TRIM44: variants seen among roughly 807,000 people sequenced by gnomAD.
TRIM44 encodes tripartite motif containing 44.
In TRIM44, 13 loss-of-function variants were observed where a neutral mutation model predicts 37.4. That is an observed-to-expected ratio of 0.35 (90% CI 0.23 to 0.55). The LOEUF (loss-of-function observed/expected upper bound fraction) is 0.55, where lower values mean the gene tolerates loss of function less well. TRIM44 is among the 20% of genes least tolerant of loss of function. The pLI is 0.89. For missense variants in TRIM44, 426 were observed against 437.2 expected (o/e 0.97, Z 0.23); for synonymous variants, 175 against 157.2 (o/e 1.11, Z -0.85).
chr11:35,667,589 T>C lies in TRIM44; in HGVS notation c.669+3809T>C, dbSNP rs187608592. 2.9e-3 allele frequency among the ~76,000 whole-genome samples: 438 copies of C among 152,280 alleles called. 6 individuals are homozygous for C. The highest frequency in any genetic ancestry group is 0.01 in the East Asian group (54 of 5,184). On this transcript the variant is annotated intron_variant, in intron 1 of 4. Coordinates refer to ENST00000299413, the MANE Select transcript of TRIM44 (RefSeq NM_017583.6). ...TGTCTTGCTATGTTGCCCAAGTTGG[T>C]CTTGAACTCCTAGCCTCAAGCAGTC...
intron 4 of TRIM44, among the ~76,000 whole-genome samples, chr11:35,763,273 C>T (rs900152121): frequency 5.3e-5 from 8 of 151,850 alleles, no homozygotes; most frequent in Non-Finnish European, 1.0e-4. Flanking sequence ...CCTGAAGGCC[C>T]ACTAGATTAG....
At chr11:35,719,316 A>G (rs1053032940) in intron 2 of TRIM44, among the ~76,000 whole-genome samples, 1 of 152,114 alleles carries the variant, frequency 6.6e-6, no homozygotes, top group African/African-American at 2.4e-5. Flanking sequence ...TTAATTTGTA[A>G]TTTCCTAATG....
chr11:35,761,229 A>G (rs1044908054), intron 4 of TRIM44, among the ~76,000 whole-genome samples: 4 of 152,268 alleles, frequency 2.6e-5, no homozygotes, highest in East Asian at 1.9e-4. Flanking sequence ...CATCTTGGCT[A>G]TTGCAAGTAT....
chr11:35,735,532 C>G, intron 4 of TRIM44, 87 bp downstream of exon 4: 1 of 1,335,190 alleles, frequency 7.5e-7, no homozygotes, highest in Non-Finnish European at 1.1e-6. Flanking sequence ...ATATAGACAG[C>G]CAAGGAACAG....
At chr11:35,717,128 A>G (rs1186023588) in intron 2 of TRIM44, among the ~76,000 whole-genome samples, 1 of 152,222 alleles carries the variant, frequency 6.6e-6, no homozygotes, top group Non-Finnish European at 1.5e-5. Flanking sequence ...GATTTCCTGT[A>G]GAGAAAATCT....
At chr11:35,674,854 TG>T (rs1851441296) in intron 1 of TRIM44, among the ~76,000 whole-genome samples, 1 of 152,174 alleles carries the variant, frequency 6.6e-6, no homozygotes, top group Non-Finnish European at 1.5e-5. Context: ...CAGTATGCTA[TG>T]GAAGTGGAGA....
chr11:35,746,446 CTT>C (rs5791065), intron 4 of TRIM44, among the ~76,000 whole-genome samples: 1 of 93,190 alleles, frequency 1.1e-5, no homozygotes, highest in Admixed American at 1.3e-4. Flanking sequence ...GGGGGTCCTT[CTT>C]TTTTTTTTTT....
intron 1 of TRIM44, among the ~76,000 whole-genome samples, chr11:35,667,132 G>T (rs1851341140): frequency 6.6e-6 from 1 of 152,082 alleles, no homozygotes; most frequent in African/African-American, 2.4e-5. Flanking sequence ...TGTTTTATCA[G>T]TTTAAAAAAA....
chr11:35,742,278 A>C (rs1852407090), intron 4 of TRIM44, among the ~76,000 whole-genome samples: 1 of 151,142 alleles, frequency 6.6e-6, no homozygotes, highest in African/African-American at 2.4e-5. Flanking sequence ...GCAGTGTAAT[A>C]ATTATTATGA....
At chr11:35,687,610 T>C (rs558416896) in intron 2 of TRIM44, among the ~76,000 whole-genome samples, 1 of 152,332 alleles carries the variant, frequency 6.6e-6, no homozygotes, top group South Asian at 2.1e-4. Context: ...CAAATCACAC[T>C]GAGTGTTCTC....
intron 2 of TRIM44, among the ~76,000 whole-genome samples, chr11:35,694,053 C>G (rs2135495678): frequency 6.6e-6 from 1 of 152,272 alleles, no homozygotes; most frequent in Non-Finnish European, 1.5e-5. Context: ...CATTAATCCT[C>G]TAAAACTGAA....
At position 35,807,545 on chromosome 11, in the gene TRIM44, C is replaced by A. The variant is rs1284449683; in HGVS notation, c.*1160C>A. The A allele has an allele frequency of 6.6e-6, 1 of 152,114 alleles. No homozygotes were observed. The highest frequency in any genetic ancestry group is 2.4e-5 in the African/African-American group (1 of 41,416). The allele number at this position is 152,114 out of a possible 1,614,324, so 9.4% of individuals were successfully genotyped here. On this transcript the variant is annotated 3_prime_UTR_variant, in exon 5 of 5. Transcript: ENST00000299413. ...CTTCCAAATCACAATTTCTTACAAC[C>A]AAGCTTTGTGCTCCCGAGTAAGCAG...
intron 4 of TRIM44, among the ~76,000 whole-genome samples, chr11:35,761,506 G>T (rs555230600): frequency 5.9e-5 from 9 of 152,176 alleles, no homozygotes; most frequent in African/African-American, 2.2e-4. Context: ...GATCACAGCC[G>T]TAACAGCTAA....
chr11:35,702,810 C>T (rs906323005), intron 2 of TRIM44, among the ~76,000 whole-genome samples: 1 of 152,236 alleles, frequency 6.6e-6, no homozygotes, highest in Non-Finnish European at 1.5e-5. Flanking sequence ...CTCCAGTCTA[C>T]AGCTCCCAGC....
chr11:35,763,784 CTCCTTGGCTT>C (rs1050619104), intron 4 of TRIM44, among the ~76,000 whole-genome samples: 8 of 152,290 alleles, frequency 5.3e-5, no homozygotes, highest in African/African-American at 1.9e-4. Flanking sequence ...CCTTCGCTTT[CTCCTTGGCTT>C]GATTGTGAAT....
At position 35,719,689 on chromosome 11, in the gene TRIM44, G is replaced by A. The variant is rs117982089; in HGVS notation, c.748-6235G>A. ...GTTTTATAGTTTTGCATTTTACATTGAGGTCCATAATCCATCTTGAATAAA... is the reference window on the plus strand; with the variant it reads ...GTTTTATAGTTTTGCATTTTACATTAAGGTCCATAATCCATCTTGAATAAA... On this transcript the variant is annotated intron_variant, in intron 2 of 4. Transcript: ENST00000299413. Among the ~76,000 whole-genome samples the A allele has an allele frequency of 1.0e-2, 1,515 of 152,210 alleles. 15 individuals are homozygous for A. The highest frequency in any genetic ancestry group is 0.013 in the Non-Finnish European group (907 of 67,996).
At chr11:35,777,294 T>C (rs1852983429) in intron 4 of TRIM44, among the ~76,000 whole-genome samples, 1 of 152,198 alleles carries the variant, frequency 6.6e-6, no homozygotes, top group Non-Finnish European at 1.5e-5. Flanking sequence ...TTTTTTTTGT[T>C]TTCCGTTTGC....
intron 4 of TRIM44, among the ~76,000 whole-genome samples, chr11:35,776,838 G>A (rs1214451111): frequency 1.3e-5 from 2 of 152,188 alleles, no homozygotes; most frequent in Admixed American, 1.3e-4. Flanking sequence ...TACAATTTCT[G>A]TTCTTTTACA....
chr11:35,707,915 C>T (rs1393034868), intron 2 of TRIM44, among the ~76,000 whole-genome samples: 2 of 136,736 alleles, frequency 1.5e-5, no homozygotes, highest in African/African-American at 5.3e-5. Flanking sequence ...CAAATGGGAT[C>T]TAATTAAACT....
Sources: gnomAD v4.1 joint callset for allele counts (sites outside exome capture counted in the v4.1 genomes callset) on GRCh38, gnomAD v4.1.1 for gene constraint, MANE v1.5 for transcripts, NCBI Gene and HGNC (gene_info 2026-07-23, HGNC 2026-07-21) for gene names.